Variants in RASAL2 observed in about 807,000 individuals in gnomAD.
RASAL2 encodes RAS protein activator like 2.
RASAL2 carries 58 observed loss-of-function variants against 128.9 expected under a neutral mutation model. The observed-to-expected ratio is 0.45, with a 90% CI of 0.36 to 0.56. RASAL2 has a LOEUF of 0.56. RASAL2 is among the 20% of genes least tolerant of loss of function. The probability of loss-of-function intolerance (pLI) is 0.00; values close to 1 mark genes in which losing one functional copy is unlikely to be tolerated. For synonymous variants in RASAL2, 561 were observed against 580.8 expected (o/e 0.97, Z 0.49); for missense variants, 1,360 against 1,601.6 (o/e 0.85, Z 2.57).
intron 1 of RASAL2, among the ~76,000 whole-genome samples, chr1:178,248,582 G>A (rs1005244778): frequency 2.0e-5 from 3 of 152,126 alleles, no homozygotes; most frequent in East Asian, 1.9e-4. Context: ...ATTTGATCCT[G>A]TCATCATGAT....
intron 1 of RASAL2, among the ~76,000 whole-genome samples, chr1:178,150,967 A>G (rs1167121078): frequency 1.3e-5 from 2 of 152,138 alleles, no homozygotes; most frequent in Non-Finnish European, 2.9e-5. Flanking sequence ...ATGGTGCCAT[A>G]TGAAGTGCTG....
intron 3 of RASAL2, among the ~76,000 whole-genome samples, chr1:178,370,581 A>C (rs941479960): frequency 3.9e-5 from 6 of 152,188 alleles, no homozygotes; most frequent in Non-Finnish European, 1.5e-5. Flanking sequence ...CTGTCACTTT[A>C]ACTACTTTTA....
intron 1 of RASAL2, among the ~76,000 whole-genome samples, chr1:178,269,280 T>C (rs1307467770): frequency 6.6e-6 from 1 of 152,220 alleles, no homozygotes; most frequent in East Asian, 1.9e-4. Flanking sequence ...CCTCCAGAAC[T>C]ATGTGAATAT....
At chr1:178,185,559 A>G (rs1183081709) in intron 1 of RASAL2, among the ~76,000 whole-genome samples, 2 of 151,282 alleles carry the variant, frequency 1.3e-5, no homozygotes, top group Non-Finnish European at 3.0e-5. Flanking sequence ...ACATAGATGA[A>G]CTCATGTCAT....
intron 1 of RASAL2, among the ~76,000 whole-genome samples, chr1:178,218,175 C>T (rs1342777801): frequency 6.6e-6 from 1 of 152,120 alleles, no homozygotes; most frequent in African/African-American, 2.4e-5. Context: ...AGTCTTAAAC[C>T]TTTCAAAGTC....
At chr1:178,395,232 T>G (rs750325821) in intron 4 of RASAL2, among the ~76,000 whole-genome samples, 1 of 152,230 alleles carries the variant, frequency 6.6e-6, no homozygotes, top group Non-Finnish European at 1.5e-5. Flanking sequence ...CCCAGTCTTC[T>G]GTATTTTTTT....
At chr1:178,292,833 T>C (rs764176130) in intron 2 of RASAL2, among the ~76,000 whole-genome samples, 3 of 152,176 alleles carry the variant, frequency 2.0e-5, no homozygotes, top group Non-Finnish European at 4.4e-5. Context: ...TTAGGCAGGG[T>C]CCATTTGACT....
intron 3 of RASAL2, among the ~76,000 whole-genome samples, chr1:178,368,330 G>A (rs949664410): frequency 6.6e-5 from 10 of 152,130 alleles, no homozygotes; most frequent in Non-Finnish European, 1.2e-4. Context: ...TTTTAACTGA[G>A]CTAATGTGTA....
chr1:178,368,078 A>T (rs1487524447), intron 3 of RASAL2, among the ~76,000 whole-genome samples: 6 of 152,304 alleles, frequency 3.9e-5, no homozygotes, highest in Non-Finnish European at 8.8e-5. Flanking sequence ...TATATGACCC[A>T]CAAAACTTAA....
chr1:178,334,150 AT>A (rs1213965685), intron 3 of RASAL2, among the ~76,000 whole-genome samples: 2 of 152,042 alleles, frequency 1.3e-5, no homozygotes, highest in Non-Finnish European at 2.9e-5. Context: ...ATCGTGTTGA[AT>A]TTTTTTAATA....
chr1:178,320,981 A>G (rs1210711779), intron 3 of RASAL2, among the ~76,000 whole-genome samples: 1 of 152,238 alleles, frequency 6.6e-6, no homozygotes, highest in Non-Finnish European at 1.5e-5. Flanking sequence ...TCAGTATATC[A>G]GCTGGTTTTT....
At chr1:178,185,112 T>G (rs867827357) in intron 1 of RASAL2, among the ~76,000 whole-genome samples, 2 of 142,086 alleles carry the variant, frequency 1.4e-5, no homozygotes, top group African/African-American at 5.3e-5. Context: ...TTAGTTTTTG[T>G]TTTTTTTTTT....
intron 8 of RASAL2, 75 bp downstream of exon 8, chr1:178,443,304 G>GAAATCC: frequency 7.6e-7 from 1 of 1,315,656 alleles, no homozygotes; most frequent in South Asian, 1.5e-5. Context: ...GGATATTGTA[G>GAAATCC]AAATCCAAAT....
At chr1:178,455,062 C>T (rs952767710) in intron 12 of RASAL2, among the ~76,000 whole-genome samples, 1 of 151,942 alleles carries the variant, frequency 6.6e-6, no homozygotes, top group African/African-American at 2.4e-5. Context: ...TAAGTAACTA[C>T]CCATGAAACA....
At chr1:178,307,286 A>G (rs7537811) in intron 3 of RASAL2, among the ~76,000 whole-genome samples, 1 of 151,756 alleles carries the variant, frequency 6.6e-6, no homozygotes, top group Non-Finnish European at 1.5e-5. Context: ...TAAAAAAAAA[A>G]TTTTTTTCCA....
chr1:178,228,952 T>C (rs1432058716), intron 1 of RASAL2, among the ~76,000 whole-genome samples: 1 of 152,188 alleles, frequency 6.6e-6, no homozygotes, highest in Admixed American at 6.5e-5. Context: ...GGTTGTAAAA[T>C]TTAAAAATAT....
chr1:178,255,879 T>C (rs1222097873), intron 1 of RASAL2, among the ~76,000 whole-genome samples: 2 of 152,134 alleles, frequency 1.3e-5, no homozygotes, highest in East Asian at 3.8e-4. Context: ...GATTACACAA[T>C]CCAATCAAAA....
At chr1:178,263,641 TG>T (rs1277487847) in intron 1 of RASAL2, among the ~76,000 whole-genome samples, 3 of 152,212 alleles carry the variant, frequency 2.0e-5, no homozygotes, top group African/African-American at 7.2e-5. Flanking sequence ...GTTGAGGACA[TG>T]GGTCTTGCCA....
chr1:178,151,853 C>A (rs1411183715), intron 1 of RASAL2, among the ~76,000 whole-genome samples: 1 of 152,148 alleles, frequency 6.6e-6, no homozygotes, highest in Non-Finnish European at 1.5e-5. Flanking sequence ...TTCCACTGTA[C>A]CCAGAGGACG....
Sources: allele counts gnomAD v4.1 joint callset (sites outside exome capture counted in the v4.1 genomes callset), GRCh38; gene constraint gnomAD v4.1.1; transcripts MANE v1.5; gene names NCBI Gene and HGNC (gene_info 2026-07-23, HGNC 2026-07-21).